Variants in SLC13A2 observed in about 807,000 individuals in gnomAD.
SLC13A2 encodes the protein solute carrier family 13 member 2, also known as Na(+)-coupled citrate transporter.
Under a neutral mutation model 58.5 loss-of-function variants are expected in SLC13A2, and 40 were observed. That is an observed-to-expected ratio of 0.68 (90% CI 0.53 to 0.89). The LOEUF is 0.89. Among genes scored for constraint, SLC13A2 ranks in the 40% least tolerant of loss-of-function variants. The pLI is 0.00. For synonymous variants in SLC13A2, 341 were observed against 331.6 expected (o/e 1.03, Z -0.31); for missense variants, 694 against 772.6 (o/e 0.90, Z 1.21).
chr17:28,486,158 A>T (rs1304740048), intron 1 of SLC13A2, among the ~76,000 whole-genome samples: 2 of 152,242 alleles, frequency 1.3e-5, no homozygotes, highest in Non-Finnish European at 2.9e-5. Context: ...ATTAGGTAAG[A>T]TCTAAAGTTG....
At chr17:28,490,427 C>A in intron 2 of SLC13A2, 27 bp from the exon 3 acceptor site, 1 of 1,614,110 alleles carries the variant, frequency 6.2e-7, no homozygotes, top group African/African-American at 1.3e-5. Context: ...GGTCTTCCCG[C>A]CGCTCAGCCA....
intron 6 of SLC13A2, among the ~76,000 whole-genome samples, chr17:28,492,260 T>G (rs1192612114): frequency 2.0e-5 from 3 of 152,210 alleles, no homozygotes; most frequent in African/African-American, 4.8e-5. Flanking sequence ...TAGAAGGCAC[T>G]GGGCACAGTC....
intron 1 of SLC13A2, among the ~76,000 whole-genome samples, chr17:28,483,911 A>G (rs2151450155): frequency 1.3e-5 from 2 of 152,288 alleles, no homozygotes; most frequent in Admixed American, 1.3e-4. Flanking sequence ...ACTACAGAAG[A>G]AGCAAGCTGC....
intron 1 of SLC13A2, among the ~76,000 whole-genome samples, chr17:28,486,561 A>G (rs2068886151): frequency 6.6e-6 from 1 of 152,138 alleles, no homozygotes; most frequent in Admixed American, 6.5e-5. Context: ...ACTTCGGAAC[A>G]GGTCTTGTGT....
intron 1 of SLC13A2, among the ~76,000 whole-genome samples, chr17:28,477,387 G>A (rs560805681): frequency 1.8e-3 from 269 of 151,608 alleles, no homozygotes; most frequent in Non-Finnish European, 2.8e-3. Flanking sequence ...GTAGAGACGG[G>A]GTTTCACCGT....
At chr17:28,493,855 G>T in intron 7 of SLC13A2, 66 bp downstream of exon 7, 2 of 1,563,494 alleles carry the variant, frequency 1.3e-6, no homozygotes. Context: ...GGAGGGAAGG[G>T]TATAGGGCCC....
chr17:28,491,994 G>A (rs1377838763), intron 6 of SLC13A2, 142 bp downstream of exon 6: 1 of 1,250,372 alleles, frequency 8.0e-7, no homozygotes, highest in Non-Finnish European at 1.1e-6. Context: ...TGTGCACTTG[G>A]ACCCCCATTT....
At chr17:28,482,693 G>C (rs184041160) in intron 1 of SLC13A2, among the ~76,000 whole-genome samples, 3 of 152,136 alleles carry the variant, frequency 2.0e-5, no homozygotes, top group East Asian at 1.9e-4. Context: ...GGCAGACAAG[G>C]CTCTTTCCAA....
In SLC13A2 at chr17:28,496,951, T is replaced by C; in HGVS notation, c.1609-148T>C. 1 of 771,088 alleles carries C rather than the reference T, an allele frequency of 1.3e-6. No homozygotes were observed. The allele number at this position is 771,088 out of a possible 1,614,324, so 47.8% of individuals were successfully genotyped here. On this transcript the variant is annotated intron_variant, in intron 11 of 11. Transcript: ENST00000314669. The surrounding 1 kb of genome is among the most constrained non-coding windows in gnomAD (Gnocchi z 4.2). ...GGGAGTAAAGCAAGGGGCAAAGGCA[T>C]TGGCTATGCTGCAGGTTAGACCAAC...
In SLC13A2 at chr17:28,494,933, A is replaced by G. The variant is rs1177257344; in HGVS notation, c.1308+421A>G. Among the ~76,000 whole-genome samples the G allele has an allele frequency of 1.3e-5, 2 of 152,102 alleles. No individual in the cohort carries two copies. The highest frequency in any genetic ancestry group is 2.9e-5 in the Non-Finnish European group (2 of 68,000). ...CCACCCAGGCTCTGGGGACCAGAAC[A>G]TCTTTCCCCAGAGCCTCCATCCAAA... is the stretch of plus-strand genomic sequence containing the variant. On this transcript the variant is annotated intron_variant, in intron 9 of 11. Coordinates refer to ENST00000314669, the MANE Select transcript of SLC13A2 (RefSeq NM_003984.4). This position sits in a 1 kb window ranked among gnomAD's most constrained non-coding sequence, Gnocchi z 4.0.
intron 1 of SLC13A2, among the ~76,000 whole-genome samples, chr17:28,483,512 C>T (rs1555601476): frequency 6.6e-6 from 1 of 152,058 alleles, no homozygotes; most frequent in African/African-American, 2.4e-5. Flanking sequence ...TGGCACATGC[C>T]TATAGTCCCA....
chr17:28,489,109 TC>T, intron 1 of SLC13A2, 104 bp from the exon 2 acceptor site: 1 of 1,321,322 alleles, frequency 7.6e-7, no homozygotes. Flanking sequence ...TCACAGGCTC[TC>T]CCCAGGCAGT....
rs577722032 is a variant in SLC13A2 at position 28,496,998 on chromosome 17, T to C, written c.1609-101T>C. On this transcript the variant is annotated intron_variant, in intron 11 of 11. Transcript: ENST00000314669. This position sits in a 1 kb window ranked among gnomAD's most constrained non-coding sequence, Gnocchi z 4.2. ...CAACGGGAGGACTTCCCAGAGAGAA[T>C]TTTGCTGGTAGGAGGGCTCCTGTGC... 385 of 1,250,662 alleles carry C rather than the reference T, an allele frequency of 3.1e-4. 1 individual carries two copies. The highest frequency in any genetic ancestry group is 4.1e-4 in the Non-Finnish European group (359 of 877,474). The allele number at this position is 1,250,662 out of a possible 1,614,324, so 77.5% of individuals were successfully genotyped here.
At chr17:28,490,966 G>A (rs945422097) in intron 4 of SLC13A2, 60 bp downstream of exon 4, 1 of 1,467,288 alleles carries the variant, frequency 6.8e-7, no homozygotes, top group South Asian at 1.3e-5. Flanking sequence ...GAGTCTGAGG[G>A]TCTGTCCGTT....
chr17:28,489,395 G>A (rs2068956792), intron 2 of SLC13A2, 53 bp downstream of exon 2: 3 of 1,562,382 alleles, frequency 1.9e-6, no homozygotes, highest in South Asian at 1.2e-5. Context: ...AGGCCAGGGG[G>A]TGGGTTCCCT....
intron 1 of SLC13A2, among the ~76,000 whole-genome samples, chr17:28,477,258 A>G (rs1404451201): frequency 7.0e-6 from 1 of 143,560 alleles, no homozygotes; most frequent in Non-Finnish European, 1.5e-5. Context: ...CAGTGGCACA[A>G]TCTTGGCTCA....
chr17:28,489,155 TG>T (rs1555602555), intron 1 of SLC13A2, 58 bp from the exon 2 acceptor site: 1 of 1,582,580 alleles, frequency 6.3e-7, no homozygotes, highest in Non-Finnish European at 8.6e-7. Context: ...AGACAGGAGG[TG>T]GCATAGCTCT....
chr17:28,481,817 C>A (rs2068791677), intron 1 of SLC13A2, among the ~76,000 whole-genome samples: 1 of 152,118 alleles, frequency 6.6e-6, no homozygotes, highest in Non-Finnish European at 1.5e-5. Context: ...TCCATCCCTC[C>A]ACACTCTTTC....
In SLC13A2 at chr17:28,497,551, C is replaced by T; in HGVS notation, c.*282C>T. 1 of 484,630 alleles carries T rather than the reference C, an allele frequency of 2.1e-6. No homozygotes were observed. The allele number at this position is 484,630 out of a possible 1,614,324, so 30.0% of individuals were successfully genotyped here. A position where few individuals can be genotyped will look rare whatever the true frequency, so the allele number is the denominator to read the frequency against. ...ATCTGAGGGGGGCTGTGTGCATGCA[C>T]ATGATCCTAGGTATGTATGTTGGAC... On this transcript the variant is annotated 3_prime_UTR_variant, in exon 12 of 12. Transcript: ENST00000314669.
Sources: gnomAD v4.1 joint callset for allele counts (sites outside exome capture counted in the v4.1 genomes callset) on GRCh38, gnomAD v4.1.1 for gene constraint, Gnocchi (gnomAD v3.1) non-coding constraint, MANE v1.5 for transcripts, NCBI Gene and HGNC (gene_info 2026-07-23, HGNC 2026-07-21) for gene names.